MAML1: variants seen among roughly 807,000 people sequenced by gnomAD.
The protein encoded by MAML1 is mastermind like transcriptional coactivator 1, also known as mastermind-like protein 1.
Under a neutral mutation model 77.1 loss-of-function variants are expected in MAML1, and 14 were observed. That is an observed-to-expected ratio of 0.18 (90% CI 0.12 to 0.28). The LOEUF is 0.28. Among genes scored for constraint, MAML1 ranks in the 10% least tolerant of loss-of-function variants. The pLI, the probability that MAML1 is intolerant of heterozygous loss-of-function variation, is 1.00. For synonymous variants in MAML1, 516 were observed against 551.9 expected (o/e 0.93, Z 0.91); for missense variants, 1,217 against 1,327.8 (o/e 0.92, Z 1.30).
At position 179,771,098 on chromosome 5, in the gene MAML1, G is replaced by C; in HGVS notation, c.1972-49G>C. ...TGACCTCCCTCACTCCCTTTGTTTT[G>C]GATTTTGTTATATGTTGGTTTTGTT... On this transcript the variant is annotated intron_variant, in intron 3 of 4. Coordinates refer to ENST00000292599, the MANE Select transcript of MAML1 (RefSeq NM_014757.5). This position sits in a 1 kb window ranked among gnomAD's most constrained non-coding sequence, Gnocchi z 4.7. 6.9e-7 allele frequency: 1 copy of C among 1,456,502 alleles called. No individual in the cohort carries two copies. The highest frequency in any genetic ancestry group is 1.1e-5 in the South Asian group (1 of 87,738). The allele number at this position is 1,456,502 out of a possible 1,614,324, so 90.2% of individuals were successfully genotyped here. A position where few individuals can be genotyped will look rare whatever the true frequency, so the allele number is the denominator to read the frequency against.
intron 4 of MAML1, among the ~76,000 whole-genome samples, chr5:179,772,473 C>T (rs1486714321): frequency 5.3e-5 from 8 of 152,118 alleles, no homozygotes; most frequent in Non-Finnish European, 8.8e-5. Flanking sequence ...CACTGAGTTA[C>T]GGCCAATCCC....
At chr5:179,736,770 T>C (rs1779178509) in intron 1 of MAML1, among the ~76,000 whole-genome samples, 1 of 151,594 alleles carries the variant, frequency 6.6e-6, no homozygotes, top group Non-Finnish European at 1.5e-5. Flanking sequence ...GAGACCAGCC[T>C]GGCTAACATG....
At chr5:179,752,350 A>AAAAAAATATAT (rs1554150144) in intron 1 of MAML1, among the ~76,000 whole-genome samples, 9 of 66,716 alleles carry the variant, frequency 1.3e-4, no homozygotes, top group African/African-American at 5.4e-4. Flanking sequence ...AAAAAAAAAA[A>AAAAAAATATAT]ATATATATAT....
At position 179,747,581 on chromosome 5, in the gene MAML1, C is replaced by T. The variant is rs369768732; in HGVS notation, c.315+14154C>T. ...ATCCCAGCACTTCGGGAGGCCGAGG[C>T]GGGCGGATCACGAGGTCAGGAGATC... On this transcript the variant is annotated intron_variant, in intron 1 of 4. Coordinates refer to ENST00000292599, the MANE Select transcript of MAML1 (RefSeq NM_014757.5). Among the ~76,000 whole-genome samples the T allele has an allele frequency of 7.2e-5, 11 of 152,030 alleles. No individual in the cohort carries two copies. In the East Asian group the frequency reaches 7.7e-4, roughly 11 times the overall value.
At chr5:179,761,575 A>G (rs1779727469) in intron 1 of MAML1, among the ~76,000 whole-genome samples, 1 of 152,036 alleles carries the variant, frequency 6.6e-6, no homozygotes, top group Non-Finnish European at 1.5e-5. Context: ...CACGCCTGTA[A>G]TCCCCGCTGC....
At chr5:179,756,878 G>A (rs1779632314) in intron 1 of MAML1, among the ~76,000 whole-genome samples, 1 of 152,186 alleles carries the variant, frequency 6.6e-6, no homozygotes, top group Non-Finnish European at 1.5e-5. Flanking sequence ...CATGCACTGA[G>A]ACAGGGTGCA....
chr5:179,777,048 T>G lies in MAML1; in HGVS notation c.*2171T>G. 2 of 983,776 alleles carry G rather than the reference T, an allele frequency of 2.0e-6. No homozygotes were observed. Among genetic ancestry groups the G allele is most frequent in the Non-Finnish European group, 2.4e-6 (2 of 827,978 alleles). 60.9% of individuals were successfully genotyped at this position (983,776 alleles called of 1,614,324 possible). ...CGCTAGAGCTTCCAACTGTATATTT[T>G]TTACTTTTATAGATTTTAAAACTAT... is the stretch of plus-strand genomic sequence containing the variant. On this transcript the variant is annotated 3_prime_UTR_variant, in exon 5 of 5. Coordinates refer to ENST00000292599, the MANE Select transcript of MAML1 (RefSeq NM_014757.5).
intron 1 of MAML1, among the ~76,000 whole-genome samples, chr5:179,757,423 C>T (rs888162309): frequency 6.6e-6 from 1 of 152,026 alleles, no homozygotes; most frequent in African/African-American, 2.4e-5. Flanking sequence ...CAAAAATTAG[C>T]CAGGCATGGT....
intron 1 of MAML1, among the ~76,000 whole-genome samples, chr5:179,734,863 G>T (rs1469833631): frequency 6.6e-6 from 1 of 152,074 alleles, no homozygotes. Flanking sequence ...TTAGAGATGG[G>T]GTCTCACTAT....
rs1470260340 is a variant in MAML1 at position 179,774,012 on chromosome 5, C to T, written c.2186C>T (p.Ser729Phe). 2 of 1,614,206 alleles carry T rather than the reference C, an allele frequency of 1.2e-6. No homozygotes were observed. The highest frequency in any genetic ancestry group is 1.7e-6 in the Non-Finnish European group (2 of 1,180,044). Residue 729 changes from serine to phenylalanine, a missense_variant, in exon 5 of 5, where the codon TCC becomes TTC. Around this residue, in one of 3 missense-constraint regions of MAML1, gnomAD observed 884 missense variants for 949.3 expected, o/e 0.93. Coordinates refer to ENST00000292599, the MANE Select transcript of MAML1 (RefSeq NM_014757.5). Reference sequence around the variant, plus strand: ...ATGGGCCCTGGACATGCTTCAGTTTCCTCTCTCCCCACAAACTCAGGCCAA... The same window carrying T: ...ATGGGCCCTGGACATGCTTCAGTTTTCTCTCTCCCCACAAACTCAGGCCAA... ...MPMGPGHASV[S>F]SLPTNSGQQD...
intron 1 of MAML1, among the ~76,000 whole-genome samples, chr5:179,750,031 G>A (rs1004297133): frequency 6.6e-6 from 1 of 152,262 alleles, no homozygotes. Context: ...ACAACCTGGA[G>A]ATTGATGCGC....
At chr5:179,767,951 TGTG>T (rs1412796254) in intron 2 of MAML1, among the ~76,000 whole-genome samples, 1 of 152,258 alleles carries the variant, frequency 6.6e-6, no homozygotes, top group Non-Finnish European at 1.5e-5. Context: ...GACTCTCACT[TGTG>T]GTCTATATAT....
Position 179,769,072 on chromosome 5 carries a change from C to T in MAML1, c.1954C>T (p.His652Tyr). 6.2e-7 allele frequency: 1 copy of T among 1,614,198 alleles called. No individual in the cohort carries two copies. Among genetic ancestry groups the T allele is most frequent in the Non-Finnish European group, 8.5e-7 (1 of 1,180,030 alleles). ...ACAGCAGTTCCTTCAGAGGCAACAG[C>T]ACCTTCTCGCGGAACAGGTAAAAAG... ...QQQQFLQRQQ[H>Y]LLAEQEKQQF... Residue 652 changes from histidine (H) to tyrosine (Y), a missense_variant, in exon 3 of 5, where the codon CAC becomes TAC. Transcript: ENST00000292599. This position sits in a 1 kb window ranked among gnomAD's most constrained non-coding sequence, Gnocchi z 4.2.
chr5:179,775,917 T>G lies in MAML1; in HGVS notation c.*1040T>G. Reference sequence around the variant, plus strand: ...CTAAGGGAACCTTAGCATAAAGGTTTTGGGGAAGGAGGCCGTAGGCCGGCC... The same window carrying G: ...CTAAGGGAACCTTAGCATAAAGGTTGTGGGGAAGGAGGCCGTAGGCCGGCC... On this transcript the variant is annotated 3_prime_UTR_variant, in exon 5 of 5. Transcript: ENST00000292599. 1 of 985,640 alleles carries G rather than the reference T, an allele frequency of 1.0e-6. No individual in the cohort carries two copies. The highest frequency in any genetic ancestry group is 1.2e-6 in the Non-Finnish European group (1 of 829,926). The allele number at this position is 985,640 out of a possible 1,614,324, so 61.1% of individuals were successfully genotyped here.
intron 1 of MAML1, among the ~76,000 whole-genome samples, chr5:179,733,896 A>G (rs1779116971): frequency 6.6e-6 from 1 of 152,224 alleles, no homozygotes; most frequent in South Asian, 2.1e-4. Context: ...CCTTTGGTTG[A>G]CCAACTGAAA....
intron 4 of MAML1, among the ~76,000 whole-genome samples, chr5:179,773,176 C>T (rs965975559): frequency 6.6e-6 from 1 of 152,182 alleles, no homozygotes; most frequent in Admixed American, 6.5e-5. Context: ...AACCACCGCG[C>T]CCGGCCACAA....
chr5:179,765,742 C>T lies in MAML1; in HGVS notation c.732C>T (p.Leu244=). 6.2e-7 allele frequency: 1 copy of T among 1,613,984 alleles called. No homozygotes were observed. Among genetic ancestry groups the T allele is most frequent in the East Asian group, 2.2e-5 (1 of 44,878 alleles). Reference sequence around the variant, plus strand: ...CGCAAAGCAACCTCATGCCAGACCTCAACCTTAACGAGCAGGAGTGGAAGG... The same window carrying T: ...CGCAAAGCAACCTCATGCCAGACCTTAACCTTAACGAGCAGGAGTGGAAGG... ...SISQSNLMPD[L]NLNEQEWKEL... The change falls in exon 2 of 5, where the codon CTC becomes CTT. Residue 244 remains leucine, a synonymous_variant. Coordinates refer to ENST00000292599, the MANE Select transcript of MAML1 (RefSeq NM_014757.5).
At chr5:179,751,291 T>C (rs182416686) in intron 1 of MAML1, among the ~76,000 whole-genome samples, 9 of 152,318 alleles carry the variant, frequency 5.9e-5, no homozygotes, top group Admixed American at 5.9e-4. Context: ...TCTATAGTTA[T>C]ACTGTCCATG....
chr5:179,771,313 TC>T lies in MAML1; in HGVS notation c.2068+71del. The T allele has an allele frequency of 7.6e-7, 1 of 1,309,170 alleles. No homozygotes were observed. Among genetic ancestry groups the T allele is most frequent in the East Asian group, 2.3e-5 (1 of 43,188 alleles). 81.1% of individuals were successfully genotyped at this position (1,309,170 alleles called of 1,614,324 possible). A position where few individuals can be genotyped will look rare whatever the true frequency, so the allele number is the denominator to read the frequency against. ...CCTGGTGCTGGTTGAATCCCTGCTG[TC>T]TGCCCAGCTCTATGCCTTGACTTCA... On this transcript the variant is annotated intron_variant, in intron 4 of 4. Coordinates refer to ENST00000292599, the MANE Select transcript of MAML1 (RefSeq NM_014757.5). The surrounding 1 kb of genome is among the most constrained non-coding windows in gnomAD (Gnocchi z 4.7).
Sources: gnomAD v4.1 joint callset for allele counts (sites outside exome capture counted in the v4.1 genomes callset) on GRCh38, gnomAD v4.1.1 for gene constraint, gnomAD v4.1.1 regional missense constraint, Gnocchi (gnomAD v3.1) non-coding constraint, MANE v1.5 for transcripts, NCBI Gene and HGNC (gene_info 2026-07-23, HGNC 2026-07-21) for gene names.